Variants in LVRN observed in about 807,000 individuals in gnomAD.
LVRN encodes the protein aminopeptidase Q.
In LVRN, 99 loss-of-function variants were observed where a neutral mutation model predicts 111.4. That is an observed-to-expected ratio of 0.89 (90% CI 0.76 to 1.05). The LOEUF (loss-of-function observed/expected upper bound fraction) is 1.05. Among genes scored for constraint, LVRN ranks in the 50% least tolerant of loss-of-function variants. The pLI, the probability that LVRN is intolerant of heterozygous loss-of-function variation, is 0.00. For missense variants in LVRN, 1,414 were observed against 1,206.8 expected (o/e 1.17, Z -2.54); for synonymous variants, 488 against 449.5 (o/e 1.09, Z -1.08).
At chr5:115,963,724 A>C (rs1248737507) in intron 1 of LVRN, among the ~76,000 whole-genome samples, 1 of 152,206 alleles carries the variant, frequency 6.6e-6, no homozygotes, top group East Asian at 1.9e-4. Flanking sequence ...AGCCAGACAG[A>C]GTGCGAGCGC....
chr5:115,977,150 G>C (rs1342182222), intron 1 of LVRN, among the ~76,000 whole-genome samples: 1 of 152,012 alleles, frequency 6.6e-6, no homozygotes, highest in East Asian at 1.9e-4. Flanking sequence ...ATTACTATTT[G>C]TCCAAAGACT....
At chr5:115,969,496 T>A (rs768658355) in intron 1 of LVRN, among the ~76,000 whole-genome samples, 2 of 152,184 alleles carry the variant, frequency 1.3e-5, no homozygotes, top group African/African-American at 4.8e-5. Context: ...GAAATTGTCA[T>A]TTAAGATATT....
At chr5:116,002,801 A>T in intron 10 of LVRN, 34 bp from the exon 11 acceptor site, 1 of 1,487,986 alleles carries the variant, frequency 6.7e-7, no homozygotes, top group Non-Finnish European at 9.3e-7. Context: ...TTATGTGTGA[A>T]AAGTAACTAA....
At chr5:115,980,674 G>T (rs560856875) in intron 1 of LVRN, among the ~76,000 whole-genome samples, 5 of 152,220 alleles carry the variant, frequency 3.3e-5, no homozygotes, top group African/African-American at 1.2e-4. Flanking sequence ...TAAGCTTTGT[G>T]AGGTCATGGC....
chr5:116,019,701 G>A (rs1748673777), intron 18 of LVRN, among the ~76,000 whole-genome samples: 1 of 152,214 alleles, frequency 6.6e-6, no homozygotes, highest in African/African-American at 2.4e-5. Context: ...TCATCATCAT[G>A]AGTACGAGCA....
At position 115,962,869 on chromosome 5, in the gene LVRN, G is replaced by A. The variant is rs1435552642; in HGVS notation, c.252G>A (p.Pro84=). ...GCGAGCTAGCGGTGACGACCACCCC[G>A]AGCAACTGGCGACCCCCGGGGCCCT... The part of the protein sequence containing the change: ...SARELAVTTT[P]SNWRPPGPWD... The change falls in exon 1 of 20, where the codon CCG becomes CCA. Residue 84 remains proline (P), a synonymous_variant. Coordinates refer to ENST00000357872, the MANE Select transcript of LVRN (RefSeq NM_173800.5). 2.5e-6 allele frequency: 4 copies of A among 1,612,912 alleles called. No homozygotes were observed. Among genetic ancestry groups the A allele is most frequent in the Non-Finnish European group, 3.4e-6 (4 of 1,179,760 alleles).
At position 116,005,862 on chromosome 5, in the gene LVRN, G is replaced by A. The variant is rs74393495; in HGVS notation, c.2038-50G>A. ...ATTGTTGTTATTTTGAAAACTTTGCGGAAAAATGTTCTCATCTTCTTCTGG... is the reference window on the plus strand; with the variant it reads ...ATTGTTGTTATTTTGAAAACTTTGCAGAAAAATGTTCTCATCTTCTTCTGG... On this transcript the variant is annotated intron_variant, in intron 12 of 19. Transcript: ENST00000357872. 7,493 of 1,503,412 alleles carry A rather than the reference G, an allele frequency of 5.0e-3. 283 individuals carry two copies. The African/African-American group carries it at 0.087, about 17-fold the overall frequency. The allele number at this position is 1,503,412 out of a possible 1,614,324, so 93.1% of individuals were successfully genotyped here.
chr5:116,018,399 GTGGC>G (rs775188911), intron 18 of LVRN, among the ~76,000 whole-genome samples: 2 of 151,780 alleles, frequency 1.3e-5, no homozygotes, highest in African/African-American at 2.4e-5. Flanking sequence ...TACATTTCCG[GTGGC>G]TCACGCCTGT....
At position 115,993,653 on chromosome 5, in the gene LVRN, C is replaced by A. The variant is rs565492669; in HGVS notation, c.1261-88C>A. 6.4e-5 allele frequency: 52 copies of A among 817,220 alleles called. 1 individual carries two copies. The South Asian group carries it at 8.7e-4, about 14-fold the overall frequency. 50.6% of individuals were successfully genotyped at this position (817,220 alleles called of 1,614,324 possible). On this transcript the variant is annotated intron_variant, in intron 5 of 19. Transcript: ENST00000357872. ...AATAAATTTTAATTATGTCTTTTGA[C>A]CTTACATTTACTTAACATGCAATTA...
intron 13 of LVRN, among the ~76,000 whole-genome samples, chr5:116,007,038 T>C (rs1480541208): frequency 1.3e-5 from 2 of 152,186 alleles, no homozygotes; most frequent in Non-Finnish European, 2.9e-5. Context: ...TATCTCTTCA[T>C]TCTTAGAAAT....
At chr5:115,973,730 A>G (rs902183284) in intron 1 of LVRN, among the ~76,000 whole-genome samples, 1 of 152,200 alleles carries the variant, frequency 6.6e-6, no homozygotes, top group African/African-American at 2.4e-5. Context: ...TTAAACATCT[A>G]TAAAATCTGT....
intron 1 of LVRN, among the ~76,000 whole-genome samples, chr5:115,981,320 T>A (rs1000851590): frequency 1.3e-5 from 2 of 152,214 alleles, no homozygotes; most frequent in African/African-American, 4.8e-5. Context: ...CTATTATAAA[T>A]GATACAGAAG....
At position 116,023,844 on chromosome 5, in the gene LVRN, A is replaced by G. The variant is rs1200714065; in HGVS notation, c.2832+1378A>G. On this transcript the variant is annotated intron_variant, in intron 19 of 19. Coordinates refer to ENST00000357872, the MANE Select transcript of LVRN (RefSeq NM_173800.5). ...ACTGGGAGGAATGTAACATGGCACA[A>G]GCACATCAGAAAACAGGCAGTTTTT... Among the ~76,000 whole-genome samples the G allele has an allele frequency of 2.0e-5, 3 of 152,338 alleles. No individual in the cohort carries two copies. The South Asian group carries it at 6.2e-4, about 32-fold the overall frequency.
chr5:115,966,408 A>G (rs545846516), intron 1 of LVRN, among the ~76,000 whole-genome samples: 1 of 152,312 alleles, frequency 6.6e-6, no homozygotes, highest in South Asian at 2.1e-4. Context: ...GTACTATTCC[A>G]TGGTATGGAT....
chr5:115,978,705 G>A (rs1445713), intron 1 of LVRN, among the ~76,000 whole-genome samples: 5,544 of 152,220 alleles, frequency 0.036, 328 homozygotes, highest in African/African-American at 0.12. Context: ...TAGGATGGAA[G>A]CCTGCATTAA....
At chr5:115,965,627 C>T (rs1163184963) in intron 1 of LVRN, among the ~76,000 whole-genome samples, 1 of 152,066 alleles carries the variant, frequency 6.6e-6, no homozygotes, top group Non-Finnish European at 1.5e-5. Flanking sequence ...TTGTAGTTCC[C>T]ATAACCCAGT....
intron 3 of LVRN, among the ~76,000 whole-genome samples, chr5:115,986,896 C>T (rs547364057): frequency 2.6e-5 from 4 of 152,206 alleles, no homozygotes; most frequent in South Asian, 2.1e-4. Flanking sequence ...TTTTGCAGAG[C>T]GTTCTTTCTT....
intron 1 of LVRN, among the ~76,000 whole-genome samples, chr5:115,966,711 T>A (rs1436085320): frequency 6.6e-6 from 1 of 152,256 alleles, no homozygotes; most frequent in Non-Finnish European, 1.5e-5. Context: ...TGTTTAGTCC[T>A]TAAGAAATTG....
chr5:115,977,937 T>A (rs1334962990), intron 1 of LVRN, among the ~76,000 whole-genome samples: 2 of 152,120 alleles, frequency 1.3e-5, no homozygotes, highest in African/African-American at 4.8e-5. Flanking sequence ...TTTAAAGAAA[T>A]GAAAATAGAA....
Sources: gnomAD v4.1 joint callset for allele counts (sites outside exome capture counted in the v4.1 genomes callset) on GRCh38, gnomAD v4.1.1 for gene constraint, MANE v1.5 for transcripts, NCBI Gene and HGNC (gene_info 2026-07-23, HGNC 2026-07-21) for gene names.